NETO1: variants seen among roughly 807,000 people sequenced by gnomAD.
NETO1 encodes neuropilin and tolloid-like protein 1.
In NETO1, 26 loss-of-function variants were observed where a neutral mutation model predicts 61.3. The ratio of observed to expected loss-of-function variants is 0.42; its 90% CI spans 0.31 to 0.59. The LOEUF is 0.59. NETO1 is among the 20% of genes least tolerant of loss of function. NETO1 has a pLI of 0.12. For missense variants in NETO1, 531 were observed against 662.8 expected, an observed-to-expected ratio of 0.80 and a Z score of 2.18; for synonymous variants, 225 against 225.8, an observed-to-expected ratio of 1.00 and a Z score of 0.03.
At chr18:72,787,868 C>CAATCAAA (rs1555687053) in intron 6 of NETO1, among the ~76,000 whole-genome samples, 1 of 151,988 alleles carries the variant, frequency 6.6e-6, no homozygotes, top group African/African-American at 2.4e-5. Context: ...TTAAAGAAAA[C>CAATCAAA]AATCAAAAAC....
chr18:72,833,374 A>G (rs1401129754), intron 4 of NETO1, among the ~76,000 whole-genome samples: 1 of 152,124 alleles, frequency 6.6e-6, no homozygotes, highest in Non-Finnish European at 1.5e-5. Flanking sequence ...ATTTTGCTGT[A>G]TTCTCTGATA....
chr18:72,748,877 T>C, intron 10 of NETO1, 137 bp downstream of exon 10: 1 of 680,720 alleles, frequency 1.5e-6, no homozygotes, highest in South Asian at 1.6e-5. Flanking sequence ...CCCATCGTAT[T>C]TCTAATTGTG....
chr18:72,818,517 A>G (rs1036949493), intron 4 of NETO1, among the ~76,000 whole-genome samples: 4 of 152,156 alleles, frequency 2.6e-5, no homozygotes, highest in African/African-American at 9.7e-5. Context: ...TCTTCCTCGA[A>G]ATTTTCATAT....
chr18:72,785,547 T>G (rs1188987035), intron 6 of NETO1, among the ~76,000 whole-genome samples: 4 of 152,210 alleles, frequency 2.6e-5, no homozygotes, highest in Non-Finnish European at 5.9e-5. Flanking sequence ...CACAGTCTTT[T>G]TTTCATTATA....
intron 4 of NETO1, among the ~76,000 whole-genome samples, chr18:72,858,575 TTGA>T (rs1396973695): frequency 6.6e-6 from 1 of 152,194 alleles, no homozygotes; most frequent in Non-Finnish European, 1.5e-5. Flanking sequence ...AAAAGTCCAC[TTGA>T]TGATGTGGCT....
At chr18:72,748,616 A>G (rs1471534606) in intron 10 of NETO1, among the ~76,000 whole-genome samples, 1 of 152,090 alleles carries the variant, frequency 6.6e-6, no homozygotes, top group Non-Finnish European at 1.5e-5. Flanking sequence ...GAAAGTAGTT[A>G]CCAGTTTTAA....
chr18:72,781,871 C>T (rs199651883), intron 7 of NETO1, among the ~76,000 whole-genome samples: 21 of 151,944 alleles, frequency 1.4e-4, no homozygotes, highest in Non-Finnish European at 2.4e-4. Context: ...GTTTCAGATT[C>T]GGGGTACATG....
chr18:72,857,409 A>G (rs1272843098), intron 4 of NETO1, among the ~76,000 whole-genome samples: 8 of 152,216 alleles, frequency 5.3e-5, no homozygotes, highest in Non-Finnish European at 1.0e-4. Flanking sequence ...ATAGAGCCAG[A>G]AACATGGATA....
chr18:72,802,158 T>TA (rs59199203), intron 4 of NETO1, among the ~76,000 whole-genome samples: 2,096 of 133,940 alleles, frequency 0.016, 26 homozygotes, highest in African/African-American at 0.039. Context: ...ATAAGAATTC[T>TA]AAAAAAAAAA....
At chr18:72,867,044 T>A in intron 1 of NETO1, 1 of 467,872 alleles carries the variant, frequency 2.1e-6, no homozygotes, top group Non-Finnish European at 3.7e-6. Context: ...AAGACCGTTC[T>A]CCGGCAGGTT....
In NETO1 at chr18:72,821,932, T is replaced by C. The variant is rs1175361588; in HGVS notation, c.470-27528A>G. 3.3e-5 allele frequency among the ~76,000 whole-genome samples: 5 copies of C among 152,162 alleles called. No homozygotes were observed. The East Asian group carries it at 9.6e-4, about 29-fold the overall frequency. On this transcript the variant is annotated intron_variant, in intron 4 of 10. Coordinates refer to ENST00000327305, the MANE Select transcript of NETO1 (RefSeq NM_138966.5). Reference sequence around the variant, plus strand: ...TCAGCACTCAACTGGGTTACAGACTTGGCTTTTTGTTAATTTTCAAAAACT... The same window carrying C: ...TCAGCACTCAACTGGGTTACAGACTCGGCTTTTTGTTAATTTTCAAAAACT...
At chr18:72,827,615 C>T (rs889788401) in intron 4 of NETO1, among the ~76,000 whole-genome samples, 7 of 150,698 alleles carry the variant, frequency 4.6e-5, no homozygotes, top group African/African-American at 1.7e-4. Context: ...ACTTGGGAGG[C>T]TGAGTGGGGA....
intron 7 of NETO1, among the ~76,000 whole-genome samples, chr18:72,761,145 C>T (rs926938281): frequency 5.5e-5 from 8 of 144,332 alleles, no homozygotes; most frequent in Admixed American, 2.0e-4. Context: ...ATGATATAAA[C>T]GTGACTTAAC....
chr18:72,856,444 T>C (rs2074412190), intron 4 of NETO1, among the ~76,000 whole-genome samples: 1 of 152,184 alleles, frequency 6.6e-6, no homozygotes, highest in Non-Finnish European at 1.5e-5. Context: ...GCTTTGTTTT[T>C]AAAAAGCACA....
chr18:72,815,440 T>C (rs2073002259), intron 4 of NETO1, among the ~76,000 whole-genome samples: 1 of 152,054 alleles, frequency 6.6e-6, no homozygotes, highest in African/African-American at 2.4e-5. Context: ...TATACAGACC[T>C]ACCATAAATC....
chr18:72,761,413 T>G (rs139998846), intron 7 of NETO1, among the ~76,000 whole-genome samples: 3,629 of 152,308 alleles, frequency 0.024, 79 homozygotes, highest in Middle Eastern at 0.041. Flanking sequence ...TTGGAATGTG[T>G]TTGTACTACT....
At chr18:72,864,015 T>C (rs1456144793) in intron 3 of NETO1, among the ~76,000 whole-genome samples, 1 of 151,678 alleles carries the variant, frequency 6.6e-6, no homozygotes, top group African/African-American at 2.4e-5. Context: ...AGGTCATGAG[T>C]TTGAGACCAG....
intron 4 of NETO1, among the ~76,000 whole-genome samples, chr18:72,857,562 C>G (rs2074444184): frequency 6.6e-6 from 1 of 152,148 alleles, no homozygotes. Flanking sequence ...CCGTATGTCA[C>G]TGTCTCTAGG....
intron 6 of NETO1, among the ~76,000 whole-genome samples, chr18:72,793,460 T>A (rs1310371590): frequency 1.3e-5 from 2 of 152,178 alleles, no homozygotes; most frequent in Non-Finnish European, 2.9e-5. Flanking sequence ...CATGTAATAC[T>A]TTTAATTTTT....
Sources: gnomAD v4.1 joint callset for allele counts (sites outside exome capture counted in the v4.1 genomes callset) on GRCh38, gnomAD v4.1.1 for gene constraint, MANE v1.5 for transcripts, NCBI Gene and HGNC (gene_info 2026-07-23, HGNC 2026-07-21) for gene names.